The following SERINC1 variants were observed in gnomAD, a reference collection of about 807,000 sequenced individuals.
SERINC1 encodes tumor differentially expressed protein 2.
SERINC1 carries 38 observed loss-of-function variants against 52.9 expected under a neutral mutation model. The ratio of observed to expected loss-of-function variants is 0.72; its 90% CI spans 0.55 to 0.94. SERINC1 has a LOEUF of 0.94. Among genes scored for constraint, SERINC1 ranks in the 40% least tolerant of loss-of-function variants. SERINC1 has a pLI of 0.00. For synonymous variants in SERINC1, 198 were observed against 183.1 expected (o/e 1.08, Z -0.66); for missense variants, 471 against 533.9 (o/e 0.88, Z 1.16).
intron 9 of SERINC1, 74 bp downstream of exon 9, chr6:122,446,700 A>AT: frequency 1.0e-6 from 1 of 983,782 alleles, no homozygotes; most frequent in Non-Finnish European, 1.6e-6. Flanking sequence ...TTCATATCAC[A>AT]TCATGGTTTC....
At chr6:122,445,489 T>C (rs978245009) in intron 9 of SERINC1, among the ~76,000 whole-genome samples, 4 of 152,090 alleles carry the variant, frequency 2.6e-5, no homozygotes, top group Admixed American at 6.6e-5. Flanking sequence ...TCTGGATAAA[T>C]GAGATGTCAC....
chr6:122,459,208 T>C (rs1466707521), intron 1 of SERINC1, among the ~76,000 whole-genome samples: 2 of 152,206 alleles, frequency 1.3e-5, no homozygotes, highest in African/African-American at 4.8e-5. Context: ...ATAATACAAC[T>C]GGGGCTAGCT....
At chr6:122,467,135 T>C (rs1347122074) in intron 1 of SERINC1, among the ~76,000 whole-genome samples, 1 of 151,960 alleles carries the variant, frequency 6.6e-6, no homozygotes, top group Non-Finnish European at 1.5e-5. Flanking sequence ...AGAGAGGAAA[T>C]GTACATCCTC....
Position 122,458,548 on chromosome 6 carries a change from A to C in SERINC1, c.173T>G (p.Ile58Arg). 1 of 1,613,022 alleles carries C rather than the reference A, an allele frequency of 6.2e-7. No homozygotes were observed. Among genetic ancestry groups the C allele is most frequent in the Non-Finnish European group, 8.5e-7 (1 of 1,179,270 alleles). The stretch of plus-strand genomic sequence containing the variant: ...ATTCAGTTGTTCTTCCATTCCTGGT[A>C]TCAACATTACACAAGCTACACATAC... The part of the protein sequence containing the change: ...VGVCVACVML[I>R]PGMEEQLNKI... Residue 58 changes from isoleucine (I) to arginine (R), a missense_variant, in exon 2 of 10, where the codon ATA becomes AGA. By Grantham distance (97) the Ile-to-Arg change is moderately conservative. Coordinates refer to ENST00000339697, the MANE Select transcript of SERINC1 (RefSeq NM_020755.4).
intron 9 of SERINC1, 88 bp downstream of exon 9, chr6:122,446,686 G>T: frequency 1.2e-6 from 1 of 817,692 alleles, no homozygotes; most frequent in Non-Finnish European, 2.0e-6. Flanking sequence ...AGGATAAAAA[G>T]TACTTCATAT....
chr6:122,445,266 G>A lies in SERINC1; in HGVS notation c.1227-87C>T, dbSNP rs139184683. ...TATGAAGCTTCATTAATTCAGAAGC[G>A]TGCTTTGTATACAGTTTGTGATTTC... is the stretch of plus-strand genomic sequence containing the variant. On this transcript the variant is annotated intron_variant, in intron 9 of 9. Transcript: ENST00000339697. 157 of 1,303,978 alleles carry A rather than the reference G, an allele frequency of 1.2e-4. 2 individuals carry two copies. In the African/African-American group the frequency reaches 1.6e-3, roughly 14 times the overall value. 80.8% of individuals were successfully genotyped at this position (1,303,978 alleles called of 1,614,324 possible).
chr6:122,469,567 T>C (rs1431475919), intron 1 of SERINC1, among the ~76,000 whole-genome samples: 1 of 152,064 alleles, frequency 6.6e-6, no homozygotes, highest in African/African-American at 2.4e-5. Flanking sequence ...TGTTTTGTTT[T>C]GTTTTCTGAG....
chr6:122,451,600 G>T, intron 7 of SERINC1, 64 bp downstream of exon 7: 2 of 624,910 alleles, frequency 3.2e-6, no homozygotes, highest in Non-Finnish European at 5.6e-6. Context: ...CTCACAAAAA[G>T]ACAATTTCTG....
chr6:122,469,352 C>T (rs377330273), intron 1 of SERINC1, among the ~76,000 whole-genome samples: 13 of 148,998 alleles, frequency 8.7e-5, no homozygotes, highest in African/African-American at 2.5e-4. Context: ...TTGAATGTTA[C>T]TTTTTTTTTG....
chr6:122,451,932 G>C lies in SERINC1; in HGVS notation c.715C>G (p.Leu239Val). The change falls in exon 6 of 10, where the codon CTC (leucine) becomes GTC (valine). Residue 239 changes from leucine (L) to valine (V), a missense_variant. Physicochemically the swap from Leu to Val is conservative, Grantham distance 32. Coordinates refer to ENST00000339697, the MANE Select transcript of SERINC1 (RefSeq NM_020755.4). ...NKAFISVNML[L>V]CVGASVMSIL... The stretch of plus-strand genomic sequence containing the variant: ...GACATTACAGAAGCACCAACGCAGA[G>C]GAGCATGTTGACACTGATGAACGCC... The C allele has an allele frequency of 6.3e-7, 1 of 1,596,922 alleles. No homozygotes were observed. The highest frequency in any genetic ancestry group is 1.8e-5 in the Admixed American group (1 of 57,098).
chr6:122,450,422 C>A (rs910482786), intron 7 of SERINC1, among the ~76,000 whole-genome samples: 4 of 152,198 alleles, frequency 2.6e-5, no homozygotes, highest in African/African-American at 9.6e-5. Flanking sequence ...GCACCTGGGT[C>A]ACCCAAAAGC....
intron 1 of SERINC1, among the ~76,000 whole-genome samples, chr6:122,462,918 G>C (rs1775128058): frequency 6.6e-6 from 1 of 152,132 alleles, no homozygotes; most frequent in African/African-American, 2.4e-5. Flanking sequence ...CTTATCTATA[G>C]ATTCAGCCCA....
chr6:122,460,481 G>A (rs1775082536), intron 1 of SERINC1, among the ~76,000 whole-genome samples: 1 of 152,128 alleles, frequency 6.6e-6, no homozygotes, highest in Non-Finnish European at 1.5e-5. Flanking sequence ...ATTGGGTAAA[G>A]ATATCAGAAG....
At position 122,451,653 on chromosome 6, in the gene SERINC1, A is replaced by G; in HGVS notation, c.850+11T>C. On this transcript the variant is annotated intron_variant, in intron 7 of 9. Coordinates refer to ENST00000339697, the MANE Select transcript of SERINC1 (RefSeq NM_020755.4). ...GAACCTTTAGGAACATGTAATATAA[A>G]TAAAACACACCTGGTTCATTGGTCA... The G allele has an allele frequency of 1.9e-6, 2 of 1,038,938 alleles. No homozygotes were observed. The highest frequency in any genetic ancestry group is 2.8e-6 in the Non-Finnish European group (2 of 705,848). The allele number at this position is 1,038,938 out of a possible 1,614,324, so 64.4% of individuals were successfully genotyped here.
intron 5 of SERINC1, among the ~76,000 whole-genome samples, chr6:122,452,567 G>A (rs192281452): frequency 1.3e-5 from 2 of 152,222 alleles, no homozygotes; most frequent in East Asian, 3.9e-4. Context: ...TATTTAATAA[G>A]TCAACCTATG....
chr6:122,461,046 A>G lies in SERINC1; in HGVS notation c.40-2365T>C, dbSNP rs572168363. Among the ~76,000 whole-genome samples, 4 of 152,286 alleles carry G rather than the reference A, an allele frequency of 2.6e-5. No homozygotes were observed. The East Asian group carries it at 7.7e-4, about 29-fold the overall frequency. On this transcript the variant is annotated intron_variant, in intron 1 of 9. Transcript: ENST00000339697. ...ATAAAAATAAGAAAAGGATCAGAAC[A>G]TTGTGAGACAACTTTAAATAGCCTA...
intron 1 of SERINC1, among the ~76,000 whole-genome samples, chr6:122,466,020 G>C (rs1271764651): frequency 6.6e-6 from 1 of 152,100 alleles, no homozygotes; most frequent in Non-Finnish European, 1.5e-5. Context: ...CAGATCACTT[G>C]AGGTCAGGAG....
rs777839958 is a variant in SERINC1 at position 122,447,108 on chromosome 6, T to C, written c.995+13A>G. 2.6e-5 allele frequency: 41 copies of C among 1,602,912 alleles called. No homozygotes were observed. The highest frequency in any genetic ancestry group is 1.1e-4 in the East Asian group (5 of 44,808). On this transcript the variant is annotated intron_variant, in intron 8 of 9. Coordinates refer to ENST00000339697, the MANE Select transcript of SERINC1 (RefSeq NM_020755.4). The stretch of plus-strand genomic sequence containing the variant: ...TTCTTGTTTAAAGAAAAAAATTCCA[T>C]AGTTTTTCCTACCTGGAATAAAATA...
intron 1 of SERINC1, among the ~76,000 whole-genome samples, chr6:122,460,419 G>C (rs1030773081): frequency 7.2e-5 from 11 of 152,256 alleles, no homozygotes; most frequent in East Asian, 5.8e-4. Context: ...ACTGCAGGGA[G>C]GGTCTGAGAA....
Sources: allele counts gnomAD v4.1 joint callset (sites outside exome capture counted in the v4.1 genomes callset), GRCh38; gene constraint gnomAD v4.1.1; transcripts MANE v1.5; gene names NCBI Gene and HGNC (gene_info 2026-07-23, HGNC 2026-07-21).